The following DACH2 variants were observed in gnomAD, a reference collection of about 807,000 sequenced individuals.
The protein encoded by DACH2 is dachshund family transcription factor 2, also known as dachshund homolog 2.
Under a neutral mutation model 35.8 loss-of-function variants are expected in DACH2, and 17 were observed. The observed-to-expected ratio is 0.48, with a 90% CI of 0.33 to 0.71. The LOEUF (loss-of-function observed/expected upper bound fraction) is 0.71. DACH2 is among the 30% of genes least tolerant of loss of function. The pLI is 0.02. For missense variants in DACH2, 469 were observed against 472.7 expected (o/e 0.99, Z 0.07); for synonymous variants, 195 against 177.3 (o/e 1.10, Z -0.79).
At chrX:86,763,971 C>A (rs1746972498) in intron 7 of DACH2, among the ~76,000 whole-genome samples, 1 of 111,663 alleles carries the variant, frequency 9.0e-6, no homozygotes, top group Admixed American at 9.5e-5. Flanking sequence ...TCTCTGGTTG[C>A]TGTGACCATG....
chrX:86,153,851 G>T (rs1195160582), intron 1 of DACH2, among the ~76,000 whole-genome samples: 1 of 111,234 alleles, frequency 9.0e-6, no homozygotes, highest in Admixed American at 9.6e-5. Context: ...TACTTTAGCT[G>T]GTATTCATAT....
intron 2 of DACH2, among the ~76,000 whole-genome samples, chrX:86,466,327 A>G (rs2037666931): frequency 9.0e-6 from 1 of 111,129 alleles, no homozygotes; most frequent in Non-Finnish European, 1.9e-5. Context: ...TGGGAGTACA[A>G]TACAAGATGA....
At chrX:86,184,219 T>C in intron 1 of DACH2, 1 of 193,761 alleles carries the variant, frequency 5.2e-6, no homozygotes, top group Non-Finnish European at 9.5e-6. Flanking sequence ...CTGATTTTTT[T>C]TTTTTTTTGA....
intron 4 of DACH2, among the ~76,000 whole-genome samples, chrX:86,653,124 G>A (rs1049515993): frequency 9.0e-6 from 1 of 111,681 alleles, no homozygotes; most frequent in Non-Finnish European, 1.9e-5. Flanking sequence ...TGTAAAGAAC[G>A]GGTCCAGTTT....
intron 1 of DACH2, among the ~76,000 whole-genome samples, chrX:86,323,268 A>G (rs1259459043): frequency 1.8e-5 from 2 of 112,466 alleles, no homozygotes; most frequent in African/African-American, 6.5e-5. Flanking sequence ...TTGACTGGGC[A>G]GTGCTGTCTC....
intron 5 of DACH2, among the ~76,000 whole-genome samples, chrX:86,703,103 T>C (rs1217267222): frequency 9.0e-6 from 1 of 111,141 alleles, no homozygotes. Flanking sequence ...AGTGATACAG[T>C]GATGGGTCAA....
chrX:86,586,642 G>A (rs1253348757), intron 3 of DACH2, among the ~76,000 whole-genome samples: 1 of 111,708 alleles, frequency 9.0e-6, no homozygotes, highest in African/African-American at 3.2e-5. Context: ...TTCTACATGT[G>A]ACTAGACTGT....
At chrX:86,528,825 T>C (rs1254187301) in intron 3 of DACH2, among the ~76,000 whole-genome samples, 1 of 112,452 alleles carries the variant, frequency 8.9e-6, no homozygotes. Context: ...ATTATACTTG[T>C]ACATATTTAT....
intron 7 of DACH2, among the ~76,000 whole-genome samples, chrX:86,771,052 C>T (rs992082062): frequency 8.0e-5 from 9 of 113,108 alleles, no homozygotes; most frequent in Non-Finnish European, 1.5e-4. Context: ...TATTCATATC[C>T]TTTTCATATG....
At chrX:86,216,620 G>A (rs2032578890) in intron 1 of DACH2, among the ~76,000 whole-genome samples, 1 of 111,674 alleles carries the variant, frequency 9.0e-6, no homozygotes, top group Non-Finnish European at 1.9e-5. Context: ...TCATATTTGA[G>A]AGATAAATGT....
At chrX:86,535,688 A>G (rs956544003) in intron 3 of DACH2, among the ~76,000 whole-genome samples, 4 of 110,365 alleles carry the variant, frequency 3.6e-5, no homozygotes, top group African/African-American at 1.3e-4. Flanking sequence ...GTGGCAAGAG[A>G]GAGACACGGA....
intron 1 of DACH2, among the ~76,000 whole-genome samples, chrX:86,334,687 G>T (rs147731154): frequency 0.012 from 1,306 of 111,637 alleles, 16 homozygotes; most frequent in African/African-American, 0.041. Context: ...TATTGCAAAC[G>T]TCTTCTCCCA....
chrX:86,382,080 G>A (rs188486931), intron 2 of DACH2, among the ~76,000 whole-genome samples: 21 of 110,603 alleles, frequency 1.9e-4, no homozygotes, highest in African/African-American at 6.2e-4. Context: ...GGTGCTACAC[G>A]TAACTACTTA....
intron 3 of DACH2, among the ~76,000 whole-genome samples, chrX:86,650,612 C>A (rs960673203): frequency 2.5e-4 from 28 of 111,516 alleles, no homozygotes; most frequent in African/African-American, 8.4e-4. Flanking sequence ...TCTTAGCAGA[C>A]AAAAGAATAC....
At chrX:86,764,461 TAA>T (rs1394903630) in intron 7 of DACH2, among the ~76,000 whole-genome samples, 1 of 111,728 alleles carries the variant, frequency 9.0e-6, no homozygotes, top group Admixed American at 9.6e-5. Context: ...CTCCAACTTA[TAA>T]GTGTTAACAT....
intron 1 of DACH2, among the ~76,000 whole-genome samples, chrX:86,177,470 T>C (rs1161744958): frequency 8.9e-6 from 1 of 111,975 alleles, no homozygotes; most frequent in Non-Finnish European, 1.9e-5. Context: ...GGTTTGGTGA[T>C]GAAGAAATAG....
At chrX:86,796,588 A>G (rs755441901) in intron 7 of DACH2, among the ~76,000 whole-genome samples, 4 of 112,422 alleles carry the variant, frequency 3.6e-5, no homozygotes, top group Non-Finnish European at 7.5e-5. Context: ...ATTACAAGAT[A>G]TTAGTATTGA....
chrX:86,687,593 G>T (rs183526782), intron 4 of DACH2, among the ~76,000 whole-genome samples: 10 of 111,340 alleles, frequency 9.0e-5, no homozygotes, highest in African/African-American at 3.3e-4. Context: ...ACATGCAAAC[G>T]TATGTTTATC....
chrX:86,734,196 C>T (rs1183139463), intron 6 of DACH2, among the ~76,000 whole-genome samples: 1 of 110,972 alleles, frequency 9.0e-6, no homozygotes, highest in Non-Finnish European at 1.9e-5. Context: ...TGAGAGGGTT[C>T]TTTGTTCAGA....
Sources: gnomAD v4.1 joint callset for allele counts (sites outside exome capture counted in the v4.1 genomes callset) on GRCh38, gnomAD v4.1.1 for gene constraint, MANE v1.5 for transcripts, NCBI Gene and HGNC (gene_info 2026-07-23, HGNC 2026-07-21) for gene names.